Variants in KCNQ3 observed in about 807,000 individuals in gnomAD.
KCNQ3 encodes potassium voltage-gated channel subfamily KQT member 3.
KCNQ3 carries 30 observed loss-of-function variants against 92.5 expected under a neutral mutation model. The observed-to-expected ratio is 0.32, with a 90% CI of 0.24 to 0.44. The LOEUF (loss-of-function observed/expected upper bound fraction) is 0.44. KCNQ3 is among the 20% of genes least tolerant of loss of function. The probability of loss-of-function intolerance (pLI) is 1.00; values close to 1 mark genes in which losing one functional copy is unlikely to be tolerated. For missense variants in KCNQ3, 913 were observed against 1,140.3 expected (o/e 0.80, Z 2.87); for synonymous variants, 450 against 468.8 (o/e 0.96, Z 0.52).
At chr8:132,387,567 T>C (rs1436379189) in intron 1 of KCNQ3, among the ~76,000 whole-genome samples, 1 of 152,122 alleles carries the variant, frequency 6.6e-6, no homozygotes, top group African/African-American at 2.4e-5. Context: ...TACATAAAAA[T>C]GTGAATTTTT....
chr8:132,245,424 G>T (rs1295391150), intron 1 of KCNQ3, among the ~76,000 whole-genome samples: 24 of 152,074 alleles, frequency 1.6e-4, no homozygotes. Flanking sequence ...TTCCTGAAAT[G>T]CTCTCCTATA....
intron 1 of KCNQ3, among the ~76,000 whole-genome samples, chr8:132,240,085 A>T (rs1359296068): frequency 6.6e-6 from 1 of 152,016 alleles, no homozygotes; most frequent in Non-Finnish European, 1.5e-5. Flanking sequence ...GTTGGGAAAC[A>T]CTGCAGGAAC....
intron 1 of KCNQ3, among the ~76,000 whole-genome samples, chr8:132,343,189 T>C (rs541200636): frequency 2.0e-5 from 3 of 152,252 alleles, no homozygotes; most frequent in Non-Finnish European, 2.9e-5. Context: ...ATGGATTTGC[T>C]TGCTCACTCC....
intron 1 of KCNQ3, among the ~76,000 whole-genome samples, chr8:132,252,254 T>C (rs1431403169): frequency 6.6e-6 from 1 of 152,212 alleles, no homozygotes; most frequent in Non-Finnish European, 1.5e-5. Flanking sequence ...TTCTTAAAGA[T>C]GGTGTGTCCA....
At chr8:132,262,216 C>T (rs12675635) in intron 1 of KCNQ3, among the ~76,000 whole-genome samples, 11,263 of 152,148 alleles carry the variant, frequency 0.074, 531 homozygotes, top group South Asian at 0.14. Flanking sequence ...TACTTTATGA[C>T]GCCACTAATT....
intron 3 of KCNQ3, among the ~76,000 whole-genome samples, chr8:132,183,288 A>G (rs1826852663): frequency 6.6e-6 from 1 of 152,138 alleles, no homozygotes; most frequent in Non-Finnish European, 1.5e-5. Context: ...AGGGGGAATA[A>G]CATGTCTAGA....
At chr8:132,434,301 A>G (rs1242679825) in intron 1 of KCNQ3, among the ~76,000 whole-genome samples, 7 of 151,952 alleles carry the variant, frequency 4.6e-5, no homozygotes, top group African/African-American at 1.2e-4. Flanking sequence ...TCCATCATCC[A>G]TCTCCTCCTC....
At chr8:132,400,604 C>T (rs890604476) in intron 1 of KCNQ3, among the ~76,000 whole-genome samples, 4 of 152,190 alleles carry the variant, frequency 2.6e-5, no homozygotes, top group Admixed American at 2.6e-4. Flanking sequence ...CTGAGGAAGC[C>T]CACGTGGGTA....
At chr8:132,301,626 G>A (rs1370125510) in intron 1 of KCNQ3, among the ~76,000 whole-genome samples, 1 of 152,158 alleles carries the variant, frequency 6.6e-6, no homozygotes, top group African/African-American at 2.4e-5. Flanking sequence ...GGTCTTGCTG[G>A]GTGATTGATG....
Position 132,174,457 on chromosome 8 carries a change from C to T in KCNQ3, c.934-108G>A, listed in dbSNP as rs17653902. ...TCTCCATCAGCTTGGGCAATGCTCC[C>T]ATTCATAACAAGGTTCCCTTAGGAG... On this transcript the variant is annotated intron_variant, in intron 5 of 14. Coordinates refer to ENST00000388996, the MANE Select transcript of KCNQ3 (RefSeq NM_004519.4). 48,514 of 827,964 alleles carry T rather than the reference C, an allele frequency of 0.059. 1,767 individuals carry two copies. Among genetic ancestry groups the T allele is most frequent in the Non-Finnish European group, 0.072 (35,060 of 490,324 alleles). 51.3% of individuals were successfully genotyped at this position (827,964 alleles called of 1,614,324 possible).
intron 9 of KCNQ3, among the ~76,000 whole-genome samples, 186 bp downstream of exon 9, chr8:132,163,282 T>A (rs573755566): frequency 6.6e-6 from 1 of 152,114 alleles, no homozygotes; most frequent in African/African-American, 2.4e-5. Flanking sequence ...ATGATTCCTA[T>A]TAAGTTTCCC....
intron 8 of KCNQ3, among the ~76,000 whole-genome samples, chr8:132,169,715 T>C (rs1826256224): frequency 6.6e-6 from 1 of 152,196 alleles, no homozygotes; most frequent in South Asian, 2.1e-4. Context: ...TCCATGCCAC[T>C]CTGTGCTGGC....
chr8:132,303,657 G>GGAGTGTGTGT (rs1817313079), intron 1 of KCNQ3, among the ~76,000 whole-genome samples: 1 of 66,376 alleles, frequency 1.5e-5, no homozygotes, highest in Admixed American at 2.1e-4. Flanking sequence ...ATATATTTAT[G>GGAGTGTGTGT]GTGTGTGTGT....
intron 1 of KCNQ3, among the ~76,000 whole-genome samples, chr8:132,466,906 T>C (rs933061105): frequency 2.0e-5 from 3 of 152,116 alleles, no homozygotes; most frequent in Non-Finnish European, 2.9e-5. Flanking sequence ...AGGGGAGATA[T>C]TGAAAACAAG....
intron 1 of KCNQ3, among the ~76,000 whole-genome samples, chr8:132,261,036 T>TTCA (rs1163985236): frequency 6.6e-6 from 1 of 152,200 alleles, no homozygotes; most frequent in Non-Finnish European, 1.5e-5. Context: ...TCAAAGCATT[T>TTCA]TCATCACTCC....
intron 1 of KCNQ3, among the ~76,000 whole-genome samples, chr8:132,234,338 G>GTTTTTTTT (rs756218792): frequency 4.7e-5 from 4 of 85,666 alleles, no homozygotes; most frequent in Admixed American, 3.0e-4. Flanking sequence ...TCCATGAAAA[G>GTTTTTTTT]TTTTTTTTTT....
chr8:132,456,617 T>A (rs535337137), intron 1 of KCNQ3, among the ~76,000 whole-genome samples: 1 of 151,198 alleles, frequency 6.6e-6, no homozygotes, highest in African/African-American at 2.4e-5. Flanking sequence ...TATTTATTTA[T>A]TTTTTTTTGA....
At chr8:132,289,651 C>T (rs1816785402) in intron 1 of KCNQ3, among the ~76,000 whole-genome samples, 1 of 152,150 alleles carries the variant, frequency 6.6e-6, no homozygotes, top group Admixed American at 6.5e-5. Context: ...ACTAGGGTAA[C>T]ATTCACATGT....
chr8:132,194,715 C>G (rs1161919508), intron 1 of KCNQ3, among the ~76,000 whole-genome samples: 1 of 152,218 alleles, frequency 6.6e-6, no homozygotes, highest in Non-Finnish European at 1.5e-5. Flanking sequence ...CTTCCTCTTC[C>G]TGATTTGACT....
Sources: allele counts gnomAD v4.1 joint callset (sites outside exome capture counted in the v4.1 genomes callset), GRCh38; gene constraint gnomAD v4.1.1; transcripts MANE v1.5; gene names NCBI Gene and HGNC (gene_info 2026-07-23, HGNC 2026-07-21).